Variants in SYNDIG1 observed in about 807,000 individuals in gnomAD.
The protein encoded by SYNDIG1 is synapse differentiation inducing 1.
Under a neutral mutation model 19.4 loss-of-function variants are expected in SYNDIG1, and 9 were observed. The observed-to-expected ratio is 0.46, with a 90% CI of 0.28 to 0.81. SYNDIG1 has a LOEUF of 0.81. Ranked by LOEUF, SYNDIG1 falls within the 30% of genes least tolerant of loss-of-function variation. SYNDIG1 has a pLI of 0.12. For missense variants in SYNDIG1, 311 were observed against 343.3 expected (o/e 0.91, Z 0.74); for synonymous variants, 141 against 145.9 (o/e 0.97, Z 0.24).
intron 3 of SYNDIG1, among the ~76,000 whole-genome samples, chr20:24,640,468 GGGAAAGAAGGAAGGAAGGAAGGAAGGAA>G (rs2059363221): frequency 9.5e-6 from 1 of 105,246 alleles, no homozygotes; most frequent in Non-Finnish European, 1.8e-5. Flanking sequence ...AAGGGAGGGA[GGGAAAGAAGGAAGGAAGGAAGGAAGGAA>G]GGAAGGAAGG....
intron 1 of SYNDIG1, among the ~76,000 whole-genome samples, chr20:24,526,664 C>T (rs906929498): frequency 6.6e-6 from 1 of 152,056 alleles, no homozygotes; most frequent in Non-Finnish European, 1.5e-5. Context: ...CTCATAAGTC[C>T]TTGTATCTCA....
chr20:24,567,173 A>T (rs561570030), intron 2 of SYNDIG1, among the ~76,000 whole-genome samples: 1 of 152,240 alleles, frequency 6.6e-6, no homozygotes, highest in East Asian at 1.9e-4. Context: ...TTATTGAGTA[A>T]AAAGGAAGAA....
intron 2 of SYNDIG1, among the ~76,000 whole-genome samples, chr20:24,560,046 AACATTTCTCTCCTCTCC>A (rs2057907573): frequency 1.4e-5 from 1 of 69,340 alleles, no homozygotes; most frequent in Non-Finnish European, 3.0e-5. Flanking sequence ...TTTTTTTTTT[AACATTTCTCTCCTCTCC>A]TTTTTTTTTT....
At chr20:24,566,442 A>G (rs1012247865) in intron 2 of SYNDIG1, among the ~76,000 whole-genome samples, 18 of 152,252 alleles carry the variant, frequency 1.2e-4, no homozygotes, top group African/African-American at 4.1e-4. Context: ...AAATGAAACT[A>G]TCAGAGAATA....
intron 3 of SYNDIG1, among the ~76,000 whole-genome samples, chr20:24,646,429 A>G (rs2059423362): frequency 6.6e-6 from 1 of 152,142 alleles, no homozygotes; most frequent in Non-Finnish European, 1.5e-5. Context: ...GAGTAGATGA[A>G]TTCCGTCCCT....
chr20:24,540,124 C>T (rs1001909391), intron 1 of SYNDIG1, among the ~76,000 whole-genome samples: 3 of 152,186 alleles, frequency 2.0e-5, no homozygotes, highest in Non-Finnish European at 4.4e-5. Flanking sequence ...TCCTTCACCT[C>T]ATTGGTTCAA....
chr20:24,594,184 A>T (rs2058558327), intron 3 of SYNDIG1, among the ~76,000 whole-genome samples: 1 of 152,268 alleles, frequency 6.6e-6, no homozygotes, highest in South Asian at 2.1e-4. Context: ...TTAAGTCTTT[A>T]ATCCATCTTG....
chr20:24,496,225 G>A (rs1007661284), intron 1 of SYNDIG1, among the ~76,000 whole-genome samples: 4 of 152,144 alleles, frequency 2.6e-5, no homozygotes, highest in African/African-American at 4.8e-5. Context: ...GCTTTTCCCC[G>A]TAAATGTTAA....
chr20:24,513,346 G>A (rs373577868), intron 1 of SYNDIG1, among the ~76,000 whole-genome samples: 12 of 152,150 alleles, frequency 7.9e-5, no homozygotes, highest in African/African-American at 1.9e-4. Flanking sequence ...GAGGAAGGTC[G>A]AACCCAATGC....
At chr20:24,544,601 T>C (rs908346825) in intron 2 of SYNDIG1, among the ~76,000 whole-genome samples, 1 of 151,650 alleles carries the variant, frequency 6.6e-6, no homozygotes, top group Non-Finnish European at 1.5e-5. Flanking sequence ...ACTCCAAGCA[T>C]GTATGTGTGA....
intron 2 of SYNDIG1, among the ~76,000 whole-genome samples, chr20:24,574,749 A>G (rs569224543): frequency 1.3e-5 from 2 of 152,322 alleles, no homozygotes; most frequent in Admixed American, 6.5e-5. Context: ...ACATCATAAA[A>G]CCTGAAGTCC....
At chr20:24,564,924 T>C (rs1373307174) in intron 2 of SYNDIG1, among the ~76,000 whole-genome samples, 1 of 152,230 alleles carries the variant, frequency 6.6e-6, no homozygotes, top group African/African-American at 2.4e-5. Context: ...GAAGCCCGCA[T>C]TGTGCCCCAT....
chr20:24,585,385 AAT>A (rs2058400742), intron 3 of SYNDIG1, among the ~76,000 whole-genome samples: 1 of 152,144 alleles, frequency 6.6e-6, no homozygotes, highest in Admixed American at 6.5e-5. Context: ...CATTGAACTT[AAT>A]GAGAGAGGAG....
At chr20:24,508,217 A>ATTTT (rs1258532070) in intron 1 of SYNDIG1, among the ~76,000 whole-genome samples, 1 of 109,802 alleles carries the variant, frequency 9.1e-6, no homozygotes. Context: ...TAAGGAGGAT[A>ATTTT]ATTTTTTTTT....
At chr20:24,659,741 G>A (rs1164166284) in intron 3 of SYNDIG1, among the ~76,000 whole-genome samples, 3 of 152,192 alleles carry the variant, frequency 2.0e-5, no homozygotes, top group African/African-American at 4.8e-5. Flanking sequence ...CCTTGTCAAC[G>A]TAATTACGTT....
intron 3 of SYNDIG1, among the ~76,000 whole-genome samples, chr20:24,654,317 G>C (rs2059501429): frequency 1.3e-5 from 2 of 152,034 alleles, no homozygotes; most frequent in South Asian, 4.1e-4. Context: ...TTGATAGAGA[G>C]ACAAAGCAGG....
intron 1 of SYNDIG1, among the ~76,000 whole-genome samples, chr20:24,512,386 C>T (rs930428324): frequency 2.6e-5 from 4 of 151,670 alleles, no homozygotes; most frequent in Non-Finnish European, 5.9e-5. Flanking sequence ...ATTCCCTTTC[C>T]TAGCCAAAGG....
chr20:24,488,736 C>A (rs2146292490), intron 1 of SYNDIG1, among the ~76,000 whole-genome samples: 1 of 152,320 alleles, frequency 6.6e-6, no homozygotes, highest in Admixed American at 6.5e-5. Context: ...TCAGTGGGAC[C>A]AAGGTGTGAG....
In SYNDIG1 at chr20:24,666,306, A is replaced by G. The variant is rs749593895; in HGVS notation, c.*802A>G. The G allele has an allele frequency of 6.6e-6, 1 of 152,644 alleles. No individual in the cohort carries two copies. The highest frequency in any genetic ancestry group is 6.5e-5 in the Admixed American group (1 of 15,284). 9.5% of individuals were successfully genotyped at this position (152,644 alleles called of 1,614,324 possible). A position where few individuals can be genotyped will look rare whatever the true frequency, so the allele number is the denominator to read the frequency against. On this transcript the variant is annotated 3_prime_UTR_variant, in exon 4 of 4. Transcript: ENST00000376862. ...AACTCGAGGCACTGCAGCTATGGGC[A>G]CTGCCTCAGCCTAAAGACACAGGGG...
Sources: allele counts gnomAD v4.1 joint callset (sites outside exome capture counted in the v4.1 genomes callset), GRCh38; gene constraint gnomAD v4.1.1; transcripts MANE v1.5; gene names NCBI Gene and HGNC (gene_info 2026-07-23, HGNC 2026-07-21).